RIMBP2: variants seen among roughly 807,000 people sequenced by gnomAD.
RIMBP2 encodes RIMS binding protein 2.
A neutral mutation model predicts 118.6 loss-of-function variants in RIMBP2; 48 were observed. That is an observed-to-expected ratio of 0.40 (90% CI 0.32 to 0.51). The LOEUF (loss-of-function observed/expected upper bound fraction) is 0.51, where lower values mean the gene tolerates loss of function less well. Ranked by LOEUF, RIMBP2 falls within the 20% of genes least tolerant of loss-of-function variation. The pLI, the probability that RIMBP2 is intolerant of heterozygous loss-of-function variation, is 0.41. For missense variants in RIMBP2, 1,551 were observed against 1,768.3 expected (o/e 0.88, Z 2.20); for synonymous variants, 762 against 742.9 (o/e 1.03, Z -0.42).
rs985126687 is a variant in RIMBP2, at chr12:130,455,955, G to A, written c.358+541C>T. On this transcript the variant is annotated intron_variant, in intron 7 of 22. Transcript: ENST00000690449. Reference sequence around the variant, plus strand: ...ACACACAGGGGGCTTCTCCCCACCCGGCCTCTAAGCAGGACTGTGATGGGC... The same window carrying A: ...ACACACAGGGGGCTTCTCCCCACCCAGCCTCTAAGCAGGACTGTGATGGGC... Among the ~76,000 whole-genome samples, 4 of 152,086 alleles carry A rather than the reference G, an allele frequency of 2.6e-5. No individual in the cohort carries two copies. In the East Asian group the frequency reaches 5.8e-4, roughly 22 times the overall value.
At chr12:130,564,244 T>C (rs12813007) in intron 2 of RIMBP2, among the ~76,000 whole-genome samples, 140,794 of 151,348 alleles carry the variant, frequency 0.93, 66,437 homozygotes, top group East Asian at 1. Flanking sequence ...TGGCCATATT[T>C]CATCCGACGC....
At chr12:130,650,567 G>T (rs990260540) in intron 1 of RIMBP2, among the ~76,000 whole-genome samples, 1 of 152,234 alleles carries the variant, frequency 6.6e-6, no homozygotes, top group Non-Finnish European at 1.5e-5. Flanking sequence ...ACATGTGAGC[G>T]GATGGGTCCC....
intron 7 of RIMBP2, among the ~76,000 whole-genome samples, chr12:130,451,835 TGACA>T (rs778376764): frequency 7.9e-5 from 12 of 152,146 alleles, no homozygotes; most frequent in Non-Finnish European, 8.8e-5. Flanking sequence ...TCTACTCAGG[TGACA>T]GACAGACTCC....
At chr12:130,550,129 C>T (rs1045160813) in intron 2 of RIMBP2, among the ~76,000 whole-genome samples, 8 of 152,132 alleles carry the variant, frequency 5.3e-5, no homozygotes, top group Non-Finnish European at 1.2e-4. Context: ...GGGTAGTTAT[C>T]GACTACATTG....
chr12:130,403,518 T>C (rs1312349379), intron 21 of RIMBP2, among the ~76,000 whole-genome samples: 1 of 152,188 alleles, frequency 6.6e-6, no homozygotes, highest in South Asian at 2.1e-4. Flanking sequence ...TCTGAAGATA[T>C]GTAGATTGTT....
At chr12:130,459,638 A>G (rs543380546) in intron 6 of RIMBP2, among the ~76,000 whole-genome samples, 1 of 152,208 alleles carries the variant, frequency 6.6e-6, no homozygotes, top group African/African-American at 2.4e-5. Context: ...CGGGTTCTGC[A>G]TCTGATACAC....
intron 2 of RIMBP2, among the ~76,000 whole-genome samples, chr12:130,535,755 A>ATATATATG (rs2054002092): frequency 4.6e-5 from 2 of 43,894 alleles, no homozygotes; most frequent in Non-Finnish European, 1.0e-4. Context: ...ATATATATAT[A>ATATATATG]TATATATATA....
At position 130,479,146 on chromosome 12, in the gene RIMBP2, G is replaced by A; in HGVS notation, c.-3-130C>T. On this transcript the variant is annotated intron_variant, in intron 4 of 22. Transcript: ENST00000690449. The stretch of plus-strand genomic sequence containing the variant: ...GAGCAGCCCCTCACCGCCCCACAGG[G>A]CACCCACCTCCGTGCTGCCAACAGG... 6 of 599,412 alleles carry A rather than the reference G, an allele frequency of 1.0e-5. 1 individual carries two copies. In the South Asian group the frequency reaches 1.6e-4, roughly 16 times the overall value. 37.1% of individuals were successfully genotyped at this position (599,412 alleles called of 1,614,324 possible).
At position 130,450,694 on chromosome 12, in the gene RIMBP2, T is replaced by C. The variant is rs961468493; in HGVS notation, c.505-418A>G. On this transcript the variant is annotated intron_variant, in intron 8 of 22. Transcript: ENST00000690449. This position sits in a 1 kb window ranked among gnomAD's most constrained non-coding sequence, Gnocchi z 4.8. ...GCATTCCCCACACAAGCTGGAACAG[T>C]CTTTAAGCAGGAATTAGACCACATC... Among the ~76,000 whole-genome samples the C allele has an allele frequency of 4.7e-5, 7 of 148,024 alleles. No individual in the cohort carries two copies. Among genetic ancestry groups the C allele is most frequent in the African/African-American group, 1.8e-4 (7 of 39,724 alleles).
chr12:130,612,233 TC>T (rs1163351274), intron 2 of RIMBP2, among the ~76,000 whole-genome samples: 3 of 152,102 alleles, frequency 2.0e-5, no homozygotes, highest in Non-Finnish European at 4.4e-5. Context: ...ACCTGTTCGC[TC>T]CTCAGCCTCA....
rs887820821 is a variant in RIMBP2, at chr12:130,666,746, G to A, written c.-351-38290C>T. On this transcript the variant is annotated intron_variant, in intron 1 of 22. Transcript: ENST00000690449. ...GAGAAGGGAAGAAGAGGGGAAGGAG[G>A]GAAGGAGTGAGGGAGGGAAGGAAGG... Among the ~76,000 whole-genome samples, 6 of 144,268 alleles carry A rather than the reference G, an allele frequency of 4.2e-5. No homozygotes were observed. The East Asian group carries it at 1.3e-3, about 30-fold the overall frequency. 94.6% of individuals were successfully genotyped at this position (144,268 alleles called of 152,430 possible). A position where few individuals can be genotyped will look rare whatever the true frequency, so the allele number is the denominator to read the frequency against.
chr12:130,657,031 A>C (rs573413783), intron 1 of RIMBP2, among the ~76,000 whole-genome samples: 10 of 152,374 alleles, frequency 6.6e-5, no homozygotes, highest in Non-Finnish European at 1.0e-4. Flanking sequence ...CAGACCTGGG[A>C]CTATAGGTGT....
At chr12:130,636,205 G>A (rs2062338053) in intron 1 of RIMBP2, among the ~76,000 whole-genome samples, 1 of 152,150 alleles carries the variant, frequency 6.6e-6, no homozygotes, top group Admixed American at 6.5e-5. Context: ...TGGCTCTATT[G>A]TCTTTCAGGC....
At chr12:130,650,089 C>T (rs2136264991) in intron 1 of RIMBP2, among the ~76,000 whole-genome samples, 1 of 152,010 alleles carries the variant, frequency 6.6e-6, no homozygotes, top group Non-Finnish European at 1.5e-5. Flanking sequence ...CTCGGGGAGA[C>T]GCAGTGGGGA....
intron 4 of RIMBP2, among the ~76,000 whole-genome samples, chr12:130,497,614 C>T (rs2049310413): frequency 6.6e-6 from 1 of 152,138 alleles, no homozygotes; most frequent in Non-Finnish European, 1.5e-5. Flanking sequence ...GGCTGAGGAC[C>T]CAGAATGTCT....
At chr12:130,455,746 C>T (rs182195013) in intron 7 of RIMBP2, among the ~76,000 whole-genome samples, 21 of 152,206 alleles carry the variant, frequency 1.4e-4, no homozygotes, top group East Asian at 3.9e-4. Flanking sequence ...GAGGTTCAGA[C>T]GCTCATCTCC....
rs1450552901 is a variant in RIMBP2, at chr12:130,396,599, A to C, written c.*762T>G. 6.5e-6 allele frequency: 1 copy of C among 152,700 alleles called. No homozygotes were observed. The highest frequency in any genetic ancestry group is 1.5e-5 in the Non-Finnish European group (1 of 68,044). The allele number at this position is 152,700 out of a possible 1,614,324, so 9.5% of individuals were successfully genotyped here. ...TTGGGTATGGCATTTTGACAACGAA[A>C]GTAACAGAAAACCATATGCCACAGA... On this transcript the variant is annotated 3_prime_UTR_variant, in exon 23 of 23. Transcript: ENST00000690449.
intron 17 of RIMBP2, among the ~76,000 whole-genome samples, chr12:130,417,847 T>G (rs1305717619): frequency 6.7e-6 from 1 of 150,246 alleles, no homozygotes; most frequent in Non-Finnish European, 1.5e-5. Context: ...TATGTGTATA[T>G]ATGTATGGAG....
intron 9 of RIMBP2, among the ~76,000 whole-genome samples, chr12:130,445,764 A>G (rs747105320): frequency 1.3e-5 from 2 of 152,232 alleles, no homozygotes; most frequent in Non-Finnish European, 2.9e-5. Context: ...GGTGTAGAGT[A>G]TTCCACTGAA....
Sources: allele counts gnomAD v4.1 joint callset (sites outside exome capture counted in the v4.1 genomes callset), GRCh38; gene constraint gnomAD v4.1.1; non-coding constraint Gnocchi (gnomAD v3.1); transcripts MANE v1.5; gene names NCBI Gene and HGNC (gene_info 2026-07-23, HGNC 2026-07-21).